RARRES1: variants seen among roughly 807,000 people sequenced by gnomAD.
RARRES1 encodes the protein retinoic acid receptor responder protein 1.
RARRES1 carries 34 observed loss-of-function variants against 30.6 expected under a neutral mutation model. The ratio of observed to expected loss-of-function variants is 1.11; its 90% confidence interval spans 0.84 to 1.48. The LOEUF (loss-of-function observed/expected upper bound fraction) is 1.48. Ranked by LOEUF, RARRES1 falls within the 40% of genes most tolerant of loss-of-function variation. The pLI is 0.00. For missense variants in RARRES1, 373 were observed against 386.5 expected (o/e 0.97, Z 0.29); for synonymous variants, 153 against 155.5 (o/e 0.98, Z 0.12).
At chr3:158,708,441 C>T (rs1241211652) in intron 3 of RARRES1, among the ~76,000 whole-genome samples, 1 of 152,162 alleles carries the variant, frequency 6.6e-6, no homozygotes, top group Non-Finnish European at 1.5e-5. Flanking sequence ...CTGGTTATTC[C>T]CAGGTCTTCA....
At position 158,697,984 on chromosome 3, in the gene RARRES1, AAAG is replaced by A; in HGVS notation, c.673-17_673-15del. 1.4e-6 allele frequency: 2 copies of A among 1,479,034 alleles called. No homozygotes were observed. Among genetic ancestry groups the A allele is most frequent in the Non-Finnish European group, 1.9e-6 (2 of 1,065,694 alleles). 91.6% of individuals were successfully genotyped at this position (1,479,034 alleles called of 1,614,324 possible). On this transcript the variant is annotated splice_polypyrimidine_tract_variant and intron_variant, in intron 4 of 5. Coordinates refer to ENST00000237696, the MANE Select transcript of RARRES1 (RefSeq NM_206963.2). ...ATCATTAGTTTTCTAGAGGGAGAAA[AAAG>A]AGTTAGTGTAATAAATATGGTGGTA...
intron 1 of RARRES1, among the ~76,000 whole-genome samples, chr3:158,726,167 C>T (rs1023592524): frequency 2.6e-5 from 4 of 152,168 alleles, no homozygotes; most frequent in African/African-American, 9.7e-5. Context: ...ATGTTCATTG[C>T]AGCCTTTTTA....
At chr3:158,720,235 T>G (rs1366837809) in intron 1 of RARRES1, among the ~76,000 whole-genome samples, 2 of 123,010 alleles carry the variant, frequency 1.6e-5, no homozygotes, top group African/African-American at 7.2e-5. Context: ...TGGCTGCTGG[T>G]GTGTGTGTGT....
chr3:158,714,175 AT>A (rs1432831519), intron 1 of RARRES1, among the ~76,000 whole-genome samples: 1 of 152,176 alleles, frequency 6.6e-6, no homozygotes, highest in African/African-American at 2.4e-5. Context: ...GAATTCCTTC[AT>A]CCCCAACTCC....
At chr3:158,700,003 A>C (rs1726672899) in intron 4 of RARRES1, among the ~76,000 whole-genome samples, 1 of 152,022 alleles carries the variant, frequency 6.6e-6, no homozygotes, top group Admixed American at 6.6e-5. Context: ...ACTATTTTTC[A>C]AGTCTTGACT....
At chr3:158,729,872 G>C (rs1188448233) in intron 1 of RARRES1, among the ~76,000 whole-genome samples, 1 of 152,172 alleles carries the variant, frequency 6.6e-6, no homozygotes, top group East Asian at 1.9e-4. Flanking sequence ...CTGGTAACCA[G>C]GGAGCAAATC....
chr3:158,708,704 G>C (rs186458250), intron 3 of RARRES1, among the ~76,000 whole-genome samples: 1 of 151,238 alleles, frequency 6.6e-6, no homozygotes, highest in South Asian at 2.1e-4. Context: ...TCGCTCTGTT[G>C]CCCAGGCTGG....
chr3:158,720,388 T>A (rs530887896), intron 1 of RARRES1, among the ~76,000 whole-genome samples: 1 of 147,376 alleles, frequency 6.8e-6, no homozygotes, highest in African/African-American at 2.7e-5. Context: ...CTGCCAGGCA[T>A]GATGTATGTA....
Position 158,697,741 on chromosome 3 carries a change from T to A in RARRES1, c.822A>T (p.Pro274=), listed in dbSNP as rs534516995. 2 of 1,612,888 alleles carry A rather than the reference T, an allele frequency of 1.2e-6. No homozygotes were observed. Among genetic ancestry groups the A allele is most frequent in the African/African-American group, 2.7e-5 (2 of 75,026 alleles). The change falls in exon 6 of 6, where the codon CCA becomes CCT. Residue 274 remains proline (P), a synonymous_variant. Transcript: ENST00000237696. ...CTTCTTCAGTTCCGGAGGCTTCTTCTGGTGTCTGTAGCTCTTGACAGTGGT... is the reference window on the plus strand; with the variant it reads ...CTTCTTCAGTTCCGGAGGCTTCTTCAGGTGTCTGTAGCTCTTGACAGTGGT... ...VKYHCQELQT[P]EEASGTEEGS...
intron 1 of RARRES1, among the ~76,000 whole-genome samples, chr3:158,730,683 C>T (rs2108158783): frequency 6.6e-6 from 1 of 152,230 alleles, no homozygotes; most frequent in Admixed American, 6.5e-5. Flanking sequence ...AACTCCTGAG[C>T]TCAAGCGATT....
At chr3:158,714,239 C>A (rs959980898) in intron 1 of RARRES1, among the ~76,000 whole-genome samples, 1 of 152,154 alleles carries the variant, frequency 6.6e-6, no homozygotes, top group African/African-American at 2.4e-5. Flanking sequence ...GCAGGACTGA[C>A]GAGGACTTGC....
chr3:158,707,722 A>G (rs1181093477), intron 3 of RARRES1, among the ~76,000 whole-genome samples: 3 of 152,248 alleles, frequency 2.0e-5, no homozygotes, highest in East Asian at 1.9e-4. Flanking sequence ...TTAGAAATAA[A>G]TAGCAGCATT....
chr3:158,732,163 C>A lies in RARRES1; in HGVS notation c.253G>T (p.Glu85Ter). 1.4e-6 allele frequency: 2 copies of A among 1,406,650 alleles called. No homozygotes were observed. The highest frequency in any genetic ancestry group is 1.8e-6 in the Non-Finnish European group (2 of 1,087,926). 87.1% of individuals were successfully genotyped at this position (1,406,650 alleles called of 1,614,324 possible). Residue 85 changes from glutamate to a stop codon, truncating the protein, a stop_gained, in exon 1 of 6, where the codon GAG (glutamate) becomes TAG (stop). Coordinates refer to ENST00000237696, the MANE Select transcript of RARRES1 (RefSeq NM_206963.2). LOFTEE classifies it high-confidence loss of function. The part of the protein sequence containing the change: ...GSPSALRVLA[E>*]VQEGRAWINP... The stretch of plus-strand genomic sequence containing the variant: ...ACCCACGCGCGGCCCTCCTGCACCT[C>A]GGCCAGCACTCGTAGCGCGCTGGGC...
In RARRES1 at chr3:158,710,735, T is replaced by C. The variant is rs767949600; in HGVS notation, c.535+3A>G. On this transcript the variant is annotated splice_donor_region_variant and intron_variant, in intron 3 of 5. Coordinates refer to ENST00000237696, the MANE Select transcript of RARRES1 (RefSeq NM_206963.2). ...TATAGAAATTCCAAATGCTGATTCA[T>C]ACCAGGTATGCTGACTATTTCCAAG... 6 of 1,591,092 alleles carry C rather than the reference T, an allele frequency of 3.8e-6. No individual in the cohort carries two copies. In the South Asian group the frequency reaches 6.6e-5, roughly 18 times the overall value.
intron 4 of RARRES1, among the ~76,000 whole-genome samples, chr3:158,703,152 CT>C (rs1559868123): frequency 6.6e-6 from 1 of 152,196 alleles, no homozygotes; most frequent in Non-Finnish European, 1.5e-5. Context: ...TCGTTTTTCA[CT>C]GAGAAGACAG....
intron 3 of RARRES1, among the ~76,000 whole-genome samples, chr3:158,710,461 G>T (rs1328801149): frequency 6.6e-6 from 1 of 152,090 alleles, no homozygotes; most frequent in Non-Finnish European, 1.5e-5. Context: ...GCCCACCTCG[G>T]CCTCCCAAAG....
At chr3:158,730,762 T>C (rs1426354092) in intron 1 of RARRES1, among the ~76,000 whole-genome samples, 1 of 151,258 alleles carries the variant, frequency 6.6e-6, no homozygotes, top group African/African-American at 2.4e-5. Context: ...AGGTTGCCTT[T>C]TTCTTTATTA....
At chr3:158,732,032 C>T in intron 1 of RARRES1, 108 bp downstream of exon 1, 1 of 1,121,102 alleles carries the variant, frequency 8.9e-7, no homozygotes, top group Non-Finnish European at 1.1e-6. Context: ...CTGCACCTTC[C>T]CTGGCGGACC....
In RARRES1 at chr3:158,696,929, C is replaced by T. The variant is rs1291018588; in HGVS notation, c.*749G>A. ...ATGAAAATTGTAAATATTTAATATA[C>T]TTTCAGTTACATCAGTGTTTCTTTT... On this transcript the variant is annotated 3_prime_UTR_variant, in exon 6 of 6. Coordinates refer to ENST00000237696, the MANE Select transcript of RARRES1 (RefSeq NM_206963.2). 6.6e-6 allele frequency: 1 copy of T among 152,198 alleles called. No individual in the cohort carries two copies. The highest frequency in any genetic ancestry group is 1.5e-5 in the Non-Finnish European group (1 of 68,040). The allele number at this position is 152,198 out of a possible 1,614,324, so 9.4% of individuals were successfully genotyped here. A position where few individuals can be genotyped will look rare whatever the true frequency, so the allele number is the denominator to read the frequency against.
Sources: gnomAD v4.1 joint callset for allele counts (sites outside exome capture counted in the v4.1 genomes callset) on GRCh38, gnomAD v4.1.1 for gene constraint, MANE v1.5 for transcripts, NCBI Gene and HGNC (gene_info 2026-07-23, HGNC 2026-07-21) for gene names.